KDM5A: variants seen among roughly 807,000 people sequenced by gnomAD.
KDM5A encodes lysine demethylase 5A.
A neutral mutation model predicts 193.5 loss-of-function variants in KDM5A; 42 were observed. The observed-to-expected ratio is 0.22, with a 90% confidence interval of 0.17 to 0.28. KDM5A has a LOEUF of 0.28. KDM5A is among the 10% of genes least tolerant of loss of function. The pLI is 1.00. For synonymous variants in KDM5A, 796 were observed against 718.1 expected, an observed-to-expected ratio of 1.11 and a Z score of -1.73; for missense variants, 1,692 against 2,055.1, an observed-to-expected ratio of 0.82 and a Z score of 3.42.
chr12:329,858 T>C lies in KDM5A; in HGVS notation c.1774-829A>G, dbSNP rs532361713. Among the ~76,000 whole-genome samples the C allele has an allele frequency of 8.5e-5, 13 of 152,114 alleles. No individual in the cohort carries two copies. In the South Asian group the frequency reaches 2.7e-3, roughly 32 times the overall value. The stretch of plus-strand genomic sequence containing the variant: ...TTTCCTATGCTCAGGCAGAAGAACT[T>C]GGATAAAGGAGTTTTGTTTGGATTT... On this transcript the variant is annotated intron_variant, in intron 13 of 27. Transcript: ENST00000399788.
intron 13 of KDM5A, 57 bp from the exon 14 acceptor site, chr12:329,086 C>T: frequency 7.1e-7 from 1 of 1,410,548 alleles, no homozygotes; most frequent in Admixed American, 1.7e-5. Flanking sequence ...CAGCACAGAA[C>T]CACTACTTAC....
rs1214322130 is a variant in KDM5A, at chr12:350,839, CAT to C, written c.1150-62_1150-61del. The C allele has an allele frequency of 3.5e-6, 5 of 1,419,060 alleles. No individual in the cohort carries two copies. In the East Asian group the frequency reaches 1.1e-4, roughly 32 times the overall value. The allele number at this position is 1,419,060 out of a possible 1,614,324, so 87.9% of individuals were successfully genotyped here. A position where few individuals can be genotyped will look rare whatever the true frequency, so the allele number is the denominator to read the frequency against. ...ACCACTATAACTATAACCCATATAACATAATACACAGGATCAAGTAAACACAA... is the reference window on the plus strand; with the variant it reads ...ACCACTATAACTATAACCCATATAACAATACACAGGATCAAGTAAACACAA... On this transcript the variant is annotated intron_variant, in intron 9 of 27. Coordinates refer to ENST00000399788, the MANE Select transcript of KDM5A (RefSeq NM_001042603.3).
chr12:314,388 G>T (rs1347088511), intron 19 of KDM5A, among the ~76,000 whole-genome samples: 2 of 151,966 alleles, frequency 1.3e-5, no homozygotes, highest in African/African-American at 4.8e-5. Flanking sequence ...GTAGAGACGG[G>T]GTTTCACTGT....
chr12:361,080 T>C (rs558882922), intron 5 of KDM5A, among the ~76,000 whole-genome samples: 2 of 152,288 alleles, frequency 1.3e-5, no homozygotes, highest in South Asian at 2.1e-4. Context: ...AATAATTAAG[T>C]ACAAATTAGG....
At chr12:383,240 G>T (rs1005890337) in intron 3 of KDM5A, among the ~76,000 whole-genome samples, 3 of 150,930 alleles carry the variant, frequency 2.0e-5, no homozygotes, top group Non-Finnish European at 4.4e-5. Context: ...TTGAGACAGG[G>T]TCTAACTCCT....
At chr12:317,404 C>A (rs957365832) in intron 19 of KDM5A, among the ~76,000 whole-genome samples, 2 of 152,184 alleles carry the variant, frequency 1.3e-5, no homozygotes, top group Admixed American at 6.5e-5. Context: ...CCCTCTGAAT[C>A]CCTGTAATAT....
intron 17 of KDM5A, 47 bp downstream of exon 17, chr12:322,370 G>C: frequency 5.6e-6 from 9 of 1,594,482 alleles, no homozygotes; most frequent in Non-Finnish European, 7.7e-6. Flanking sequence ...TTTTTACTCT[G>C]AAAGAAACAG....
At chr12:305,212 C>T (rs2137383557) in intron 24 of KDM5A, among the ~76,000 whole-genome samples, 1 of 152,216 alleles carries the variant, frequency 6.6e-6, no homozygotes, top group East Asian at 1.9e-4. Context: ...TGCAACAAAA[C>T]TTGGCCATCT....
chr12:343,332 C>T lies in KDM5A; in HGVS notation c.1308+7289G>A, dbSNP rs149073545. Among the ~76,000 whole-genome samples, 23 of 152,360 alleles carry T rather than the reference C, an allele frequency of 1.5e-4. No individual in the cohort carries two copies. The East Asian group carries it at 4.4e-3, about 29-fold the overall frequency. Reference sequence around the variant, plus strand: ...AAGGCCTACTGCCTCTAGACTCCACCTCTCTGGGCAGGGCATGGCTGAACA... The same window carrying T: ...AAGGCCTACTGCCTCTAGACTCCACTTCTCTGGGCAGGGCATGGCTGAACA... On this transcript the variant is annotated intron_variant, in intron 10 of 27. Coordinates refer to ENST00000399788, the MANE Select transcript of KDM5A (RefSeq NM_001042603.3).
chr12:377,237 G>C (rs900650170), intron 3 of KDM5A, among the ~76,000 whole-genome samples: 1 of 152,068 alleles, frequency 6.6e-6, no homozygotes, highest in Non-Finnish European at 1.5e-5. Flanking sequence ...AAAGCTATAG[G>C]TAAGTAAACT....
At chr12:338,361 A>C (rs1282618383) in intron 10 of KDM5A, among the ~76,000 whole-genome samples, 1 of 152,200 alleles carries the variant, frequency 6.6e-6, no homozygotes, top group Non-Finnish European at 1.5e-5. Flanking sequence ...AGCCTTCGGC[A>C]CTGAGTATCT....
chr12:293,302 A>G (rs1943323998), intron 26 of KDM5A, 133 bp from the exon 27 acceptor site: 2 of 722,920 alleles, frequency 2.8e-6, no homozygotes, highest in Non-Finnish European at 4.4e-6. Flanking sequence ...CAGAGGCTGA[A>G]GGGAAGAAGA....
At chr12:343,595 G>A (rs1263032037) in intron 10 of KDM5A, among the ~76,000 whole-genome samples, 1 of 152,190 alleles carries the variant, frequency 6.6e-6, no homozygotes, top group Non-Finnish European at 1.5e-5. Flanking sequence ...CTGTTCTGCA[G>A]CCTCCACTGG....
chr12:299,100 T>C (rs752337398), intron 24 of KDM5A, among the ~76,000 whole-genome samples: 3 of 152,150 alleles, frequency 2.0e-5, no homozygotes, highest in Non-Finnish European at 4.4e-5. Flanking sequence ...GATGGAAGAA[T>C]GGAACCAACT....
rs761019754 is a variant in KDM5A at position 385,930 on chromosome 12, G to A, written c.210C>T (p.Phe70=). The A allele has an allele frequency of 1.2e-6, 2 of 1,613,874 alleles. No individual in the cohort carries two copies. The highest frequency in any genetic ancestry group is 2.2e-5 in the South Asian group (2 of 91,072). ...CATTCAGGCGCTGGACTCTTGGAGT[G>A]AAACGAAAGCTTTTTACTTCACAGG... The part of the protein sequence containing the change: ...PFACEVKSFR[F]TPRVQRLNEL... The change falls in exon 2 of 28, where the codon TTC becomes TTT. Residue 70 remains phenylalanine (F), a synonymous_variant. Coordinates refer to ENST00000399788, the MANE Select transcript of KDM5A (RefSeq NM_001042603.3).
At chr12:379,423 T>C (rs1944548254) in intron 3 of KDM5A, among the ~76,000 whole-genome samples, 1 of 151,836 alleles carries the variant, frequency 6.6e-6, no homozygotes, top group African/African-American at 2.4e-5. Flanking sequence ...TAGAGTGCTA[T>C]AAAAATGTTA....
At chr12:374,559 T>C (rs1245870367) in intron 3 of KDM5A, among the ~76,000 whole-genome samples, 1 of 152,206 alleles carries the variant, frequency 6.6e-6, no homozygotes, top group Non-Finnish European at 1.5e-5. Flanking sequence ...AACTGGAGCA[T>C]TTAGCCCATT....
chr12:359,589 C>A (rs1050916774), intron 5 of KDM5A, among the ~76,000 whole-genome samples: 2 of 151,508 alleles, frequency 1.3e-5, no homozygotes, highest in Admixed American at 6.6e-5. Context: ...TACAAACATA[C>A]AAAAATTAGC....
chr12:331,712 C>T, intron 13 of KDM5A, 107 bp downstream of exon 13: 2 of 1,237,604 alleles, frequency 1.6e-6, no homozygotes, highest in East Asian at 2.3e-5. Flanking sequence ...CACTAAAATA[C>T]TGATGAACCC....
Sources: allele counts gnomAD v4.1 joint callset (sites outside exome capture counted in the v4.1 genomes callset), GRCh38; gene constraint gnomAD v4.1.1; transcripts MANE v1.5; gene names NCBI Gene and HGNC (gene_info 2026-07-23, HGNC 2026-07-21).